Variants in FAM227B observed in about 807,000 individuals in gnomAD.
FAM227B encodes protein FAM227B.
FAM227B carries 88 observed loss-of-function variants against 73.8 expected under a neutral mutation model. That is an observed-to-expected ratio of 1.19 (90% CI 1.00 to 1.42). The LOEUF is 1.42. Among genes scored for constraint, FAM227B ranks in the 40% most tolerant of loss-of-function variants. The pLI, the probability that FAM227B is intolerant of heterozygous loss-of-function variation, is 0.00. For missense variants in FAM227B, 632 were observed against 590.9 expected (o/e 1.07, Z -0.72); for synonymous variants, 210 against 190.5 (o/e 1.10, Z -0.84).
At chr15:49,411,496 T>C (rs1364973314) in intron 11 of FAM227B, among the ~76,000 whole-genome samples, 1 of 152,104 alleles carries the variant, frequency 6.6e-6, no homozygotes, top group East Asian at 1.9e-4. Flanking sequence ...AAATAAAGTA[T>C]ATTTATTGTC....
intron 10 of FAM227B, among the ~76,000 whole-genome samples, chr15:49,521,217 A>G (rs2059761319): frequency 6.6e-6 from 1 of 152,054 alleles, no homozygotes; most frequent in African/African-American, 2.4e-5. Flanking sequence ...TCTGGAACAC[A>G]CTCTGACTTT....
At chr15:49,351,659 T>C (rs1047498979) in intron 13 of FAM227B, among the ~76,000 whole-genome samples, 1 of 152,142 alleles carries the variant, frequency 6.6e-6, no homozygotes, top group Non-Finnish European at 1.5e-5. Context: ...TTGAGTGCTC[T>C]TGGAATCAAT....
At chr15:49,340,059 G>C (rs9806776) in intron 13 of FAM227B, among the ~76,000 whole-genome samples, 4 of 152,112 alleles carry the variant, frequency 2.6e-5, no homozygotes, top group Admixed American at 1.3e-4. Flanking sequence ...GGGCTCAGTG[G>C]GGGTGGGACC....
intron 3 of FAM227B, among the ~76,000 whole-genome samples, chr15:49,590,377 T>C (rs952751338): frequency 3.3e-5 from 5 of 152,294 alleles, no homozygotes; most frequent in Admixed American, 2.0e-4. Flanking sequence ...GTGGAACCAA[T>C]TATGCCCTTT....
intron 13 of FAM227B, chr15:49,365,966 A>G: frequency 1.2e-6 from 1 of 856,228 alleles, no homozygotes; most frequent in Non-Finnish European, 2.0e-6. Context: ...CATTTGTGGA[A>G]GAAATAAAGT....
chr15:49,522,790 C>T (rs894038342), intron 10 of FAM227B, among the ~76,000 whole-genome samples: 2 of 152,000 alleles, frequency 1.3e-5, no homozygotes, highest in Non-Finnish European at 1.5e-5. Context: ...TATGGGATTA[C>T]GTAAAGCAAC....
intron 5 of FAM227B, among the ~76,000 whole-genome samples, chr15:49,584,372 A>G (rs2076013176): frequency 6.6e-6 from 1 of 152,220 alleles, no homozygotes; most frequent in Non-Finnish European, 1.5e-5. Context: ...CCTCAAAATA[A>G]TAACAGCCAA....
At chr15:49,430,709 A>C (rs1429127487) in intron 11 of FAM227B, among the ~76,000 whole-genome samples, 1 of 151,764 alleles carries the variant, frequency 6.6e-6, no homozygotes, top group Non-Finnish European at 1.5e-5. Flanking sequence ...GACAGGGCTG[A>C]AATCATTTTT....
At chr15:49,571,104 C>T (rs1163096996) in intron 8 of FAM227B, among the ~76,000 whole-genome samples, 1 of 151,446 alleles carries the variant, frequency 6.6e-6, no homozygotes, top group African/African-American at 2.4e-5. Context: ...AATGGGATTG[C>T]TGGATCTTAC....
At chr15:49,588,590 TATATATATATAA>T (rs1598407593) in intron 4 of FAM227B, among the ~76,000 whole-genome samples, 2 of 94,380 alleles carry the variant, frequency 2.1e-5, no homozygotes, top group Non-Finnish European at 2.2e-5. Context: ...TATATATATA[TATATATATATAA>T]AATTACCTTT....
intron 4 of FAM227B, among the ~76,000 whole-genome samples, chr15:49,588,590 T>C (rs1242217034): frequency 1.1e-5 from 1 of 94,380 alleles, no homozygotes. Context: ...TATATATATA[T>C]ATATATATAT....
intron 11 of FAM227B, chr15:49,486,720 T>C (rs1183333070): frequency 6.6e-6 from 1 of 151,962 alleles, no homozygotes; most frequent in Non-Finnish European, 1.5e-5. Flanking sequence ...CAACATTTAG[T>C]GGTAAATCCA....
At chr15:49,591,045 ATTT>A (rs748799826) in intron 3 of FAM227B, among the ~76,000 whole-genome samples, 1 of 72,562 alleles carries the variant, frequency 1.4e-5, no homozygotes, top group Non-Finnish European at 2.5e-5. Context: ...TTTTTTTTTG[ATTT>A]TTTTTTTTTT....
intron 11 of FAM227B, among the ~76,000 whole-genome samples, chr15:49,381,394 GAGATAC>G (rs2046523709): frequency 6.6e-6 from 1 of 152,170 alleles, no homozygotes. Context: ...GGAATGCCAG[GAGATAC>G]AGCAATTATC....
intron 11 of FAM227B, among the ~76,000 whole-genome samples, chr15:49,448,676 T>C (rs915936171): frequency 2.5e-4 from 37 of 150,448 alleles, no homozygotes; most frequent in African/African-American, 8.8e-4. Flanking sequence ...CATATGTACA[T>C]ATATATATAT....
chr15:49,453,056 G>A (rs2052916666), intron 11 of FAM227B, among the ~76,000 whole-genome samples: 1 of 151,878 alleles, frequency 6.6e-6, no homozygotes, highest in African/African-American at 2.4e-5. Context: ...TCTTACCACT[G>A]TGGAAATGTA....
At chr15:49,522,727 A>G (rs1233015131) in intron 10 of FAM227B, among the ~76,000 whole-genome samples, 1 of 152,168 alleles carries the variant, frequency 6.6e-6, no homozygotes, top group Admixed American at 6.5e-5. Context: ...ACTCAGTCAT[A>G]CAAAAATTAA....
At chr15:49,344,022 T>TAAACATTCAAC (rs2041118983) in intron 13 of FAM227B, 2 of 152,248 alleles carry the variant, frequency 1.3e-5, no homozygotes, top group Non-Finnish European at 2.9e-5. Context: ...TATCATTTAA[T>TAAACATTCAAC]AAACATTCAA....
At chr15:49,586,421 A>G (rs1241338382) in intron 5 of FAM227B, among the ~76,000 whole-genome samples, 2 of 152,194 alleles carry the variant, frequency 1.3e-5, no homozygotes, top group Non-Finnish European at 2.9e-5. Flanking sequence ...TGTAAAACCC[A>G]AAACTATGAA....
Sources: allele counts gnomAD v4.1 joint callset (sites outside exome capture counted in the v4.1 genomes callset), GRCh38; gene constraint gnomAD v4.1.1; transcripts MANE v1.5; gene names NCBI Gene and HGNC (gene_info 2026-07-23, HGNC 2026-07-21).